The following TMEM132D variants were observed in gnomAD, a reference collection of about 807,000 sequenced individuals.
TMEM132D encodes the protein mature OL transmembrane protein.
In TMEM132D, 21 loss-of-function variants were observed where a neutral mutation model predicts 62.3. That is an observed-to-expected ratio of 0.34 (90% CI 0.24 to 0.49). The LOEUF (loss-of-function observed/expected upper bound fraction) is 0.49. Ranked by LOEUF, TMEM132D falls within the 20% of genes least tolerant of loss-of-function variation. TMEM132D has a pLI of 0.99. For missense variants in TMEM132D, 1,346 were observed against 1,402.8 expected (o/e 0.96, Z 0.65); for synonymous variants, 621 against 575.6 (o/e 1.08, Z -1.13).
chr12:129,614,274 C>A (rs933563237), intron 2 of TMEM132D, among the ~76,000 whole-genome samples: 1 of 152,242 alleles, frequency 6.6e-6, no homozygotes, highest in Non-Finnish European at 1.5e-5. Flanking sequence ...CAAAGAGGGA[C>A]TGATTTTTCT....
At chr12:129,076,333 G>A (rs1039202540) in intron 8 of TMEM132D, among the ~76,000 whole-genome samples, 2 of 152,220 alleles carry the variant, frequency 1.3e-5, no homozygotes, top group Admixed American at 1.3e-4. Context: ...CCAAGGTCTT[G>A]CAGCTGGGTT....
At chr12:129,426,276 G>A (rs1413528254) in intron 3 of TMEM132D, among the ~76,000 whole-genome samples, 2 of 152,266 alleles carry the variant, frequency 1.3e-5, no homozygotes, top group East Asian at 3.9e-4. Context: ...GGGAAATTAT[G>A]AGGAAGAAAA....
chr12:129,729,830 G>A (rs1372679983), intron 1 of TMEM132D, among the ~76,000 whole-genome samples: 1 of 152,182 alleles, frequency 6.6e-6, no homozygotes, highest in Non-Finnish European at 1.5e-5. Context: ...TGCTTTGGAA[G>A]CCAAAACATT....
chr12:129,844,422 G>A (rs777392438), intron 1 of TMEM132D, among the ~76,000 whole-genome samples: 6 of 152,054 alleles, frequency 3.9e-5, no homozygotes, highest in South Asian at 2.1e-4. Context: ...TCCACTCTCC[G>A]GATCCCCCAT....
intron 3 of TMEM132D, among the ~76,000 whole-genome samples, chr12:129,522,378 T>C (rs1310900441): frequency 6.6e-6 from 1 of 152,150 alleles, no homozygotes; most frequent in Non-Finnish European, 1.5e-5. Context: ...GATCCTATAA[T>C]TTTTCTTTCA....
intron 2 of TMEM132D, among the ~76,000 whole-genome samples, chr12:129,645,956 A>G (rs1879767328): frequency 6.6e-6 from 1 of 152,032 alleles, no homozygotes; most frequent in African/African-American, 2.4e-5. Context: ...CCCCCAGAAA[A>G]CTCATGAATA....
intron 1 of TMEM132D, among the ~76,000 whole-genome samples, chr12:129,832,942 G>A (rs544080738): frequency 1.4e-4 from 22 of 152,156 alleles, no homozygotes; most frequent in South Asian, 4.1e-4. Flanking sequence ...ACTCTTTCTC[G>A]CAATCCCCCT....
Position 129,623,408 on chromosome 12 carries a change from G to A in TMEM132D, c.968+76402C>T, listed in dbSNP as rs1042451785. Among the ~76,000 whole-genome samples, 12 of 151,876 alleles carry A rather than the reference G, an allele frequency of 7.9e-5. 1 individual carries two copies. The highest frequency in any genetic ancestry group is 2.7e-4 in the African/African-American group (11 of 41,334). On this transcript the variant is annotated intron_variant, in intron 2 of 8. Transcript: ENST00000422113. ...AAAGAGTGTGCAGTGTACCCAGTAG[G>A]TGATTTTTGTATCCTTCATCCACCC...
chr12:129,225,974 C>T (rs532404450), intron 4 of TMEM132D, among the ~76,000 whole-genome samples: 1 of 152,144 alleles, frequency 6.6e-6, no homozygotes, highest in Non-Finnish European at 1.5e-5. Context: ...GCCAACAACT[C>T]CACTTGGTGC....
chr12:129,351,138 T>C (rs76635137), intron 3 of TMEM132D, among the ~76,000 whole-genome samples: 7,782 of 152,238 alleles, frequency 0.051, 666 homozygotes, highest in African/African-American at 0.18. Context: ...GGGATGGTTA[T>C]GGGCTTGTGG....
intron 2 of TMEM132D, among the ~76,000 whole-genome samples, chr12:129,591,138 A>G (rs924992530): frequency 1.3e-5 from 2 of 152,198 alleles, no homozygotes; most frequent in African/African-American, 2.4e-5. Flanking sequence ...TCCGAATAGC[A>G]GGCAGAAGGA....
At chr12:129,697,264 G>A (rs573658725) in intron 2 of TMEM132D, among the ~76,000 whole-genome samples, 1 of 152,308 alleles carries the variant, frequency 6.6e-6, no homozygotes, top group East Asian at 1.9e-4. Flanking sequence ...ATAGCAGATG[G>A]CCAGAGAGAA....
At chr12:129,591,677 A>G (rs1878195148) in intron 2 of TMEM132D, among the ~76,000 whole-genome samples, 2 of 152,080 alleles carry the variant, frequency 1.3e-5, no homozygotes, top group South Asian at 4.1e-4. Flanking sequence ...TAATAAAGAA[A>G]GAAAGAGAAA....
chr12:129,499,012 G>A (rs761077106), intron 3 of TMEM132D, among the ~76,000 whole-genome samples: 9 of 152,128 alleles, frequency 5.9e-5, no homozygotes, highest in Non-Finnish European at 1.0e-4. Context: ...ATAGGGTAAC[G>A]TGCCAGCCTG....
intron 2 of TMEM132D, chr12:129,682,882 A>G (rs1277979142): frequency 6.7e-6 from 1 of 149,268 alleles, no homozygotes; most frequent in African/African-American, 2.5e-5. Context: ...AAAAAAAAAA[A>G]GAGACTTACA....
At chr12:129,647,558 T>C (rs1437708211) in intron 2 of TMEM132D, among the ~76,000 whole-genome samples, 1 of 152,206 alleles carries the variant, frequency 6.6e-6, no homozygotes, top group Non-Finnish European at 1.5e-5. Flanking sequence ...CAATTTACAC[T>C]GCCACGTGCA....
At chr12:129,137,515 T>C (rs1180186640) in intron 5 of TMEM132D, among the ~76,000 whole-genome samples, 1 of 152,204 alleles carries the variant, frequency 6.6e-6, no homozygotes, top group Non-Finnish European at 1.5e-5. Context: ...TGAATAAAAA[T>C]TTCATCCTTC....
intron 1 of TMEM132D, among the ~76,000 whole-genome samples, chr12:129,781,440 T>C (rs892970436): frequency 1.3e-5 from 2 of 152,240 alleles, no homozygotes; most frequent in Non-Finnish European, 2.9e-5. Flanking sequence ...TTGTATATTA[T>C]AAATGTATAC....
intron 3 of TMEM132D, among the ~76,000 whole-genome samples, chr12:129,408,440 C>CT (rs34261219): frequency 0.23 from 33,229 of 143,592 alleles, 3,816 homozygotes; most frequent in South Asian, 0.27. Flanking sequence ...TTGATAGTAG[C>CT]TTTTTTTTTT....
Sources: gnomAD v4.1 joint callset for allele counts (sites outside exome capture counted in the v4.1 genomes callset) on GRCh38, gnomAD v4.1.1 for gene constraint, MANE v1.5 for transcripts, NCBI Gene and HGNC (gene_info 2026-07-23, HGNC 2026-07-21) for gene names.